Variants in XYLT1 observed in about 807,000 individuals in gnomAD.
The protein encoded by XYLT1 is beta-D-xylosyltransferase 1.
A neutral mutation model predicts 91.3 loss-of-function variants in XYLT1; 36 were observed. The ratio of observed to expected loss-of-function variants is 0.39; its 90% confidence interval spans 0.30 to 0.52. XYLT1 has a LOEUF of 0.52. XYLT1 is among the 20% of genes least tolerant of loss of function. The probability of loss-of-function intolerance (pLI) is 0.68; values close to 1 mark genes in which losing one functional copy is unlikely to be tolerated. For synonymous variants in XYLT1, 588 were observed against 532.0 expected (o/e 1.11, Z -1.45); for missense variants, 1,242 against 1,284.5 (o/e 0.97, Z 0.51).
At chr16:17,306,951 G>A (rs2034479607) in intron 2 of XYLT1, among the ~76,000 whole-genome samples, 1 of 152,196 alleles carries the variant, frequency 6.6e-6, no homozygotes, top group Admixed American at 6.5e-5. Context: ...CAGAGCTGAA[G>A]CCTGAACTTG....
intron 2 of XYLT1, among the ~76,000 whole-genome samples, chr16:17,318,179 A>T (rs754556716): frequency 6.6e-5 from 10 of 152,260 alleles, no homozygotes; most frequent in Non-Finnish European, 1.0e-4. Flanking sequence ...ACCAACACAT[A>T]GCGGATGCTG....
At chr16:17,190,065 A>T (rs548883181) in intron 5 of XYLT1, among the ~76,000 whole-genome samples, 1 of 152,286 alleles carries the variant, frequency 6.6e-6, no homozygotes, top group African/African-American at 2.4e-5. Context: ...ATAAATAAAA[A>T]TGTCAAGAAT....
At chr16:17,181,068 G>A (rs1180262328) in intron 5 of XYLT1, among the ~76,000 whole-genome samples, 3 of 152,186 alleles carry the variant, frequency 2.0e-5, no homozygotes, top group Admixed American at 2.0e-4. Context: ...CATTCAAAAA[G>A]TAACTGGAGA....
At chr16:17,185,698 T>C (rs1348897358) in intron 5 of XYLT1, among the ~76,000 whole-genome samples, 1 of 152,198 alleles carries the variant, frequency 6.6e-6, no homozygotes, top group Non-Finnish European at 1.5e-5. Flanking sequence ...TGCTGGACAC[T>C]TTAAAAATAT....
chr16:17,371,397 G>A (rs2035530432), intron 1 of XYLT1, among the ~76,000 whole-genome samples: 1 of 152,230 alleles, frequency 6.6e-6, no homozygotes, highest in Non-Finnish European at 1.5e-5. Context: ...TGTATGCTGA[G>A]AACTCAGCCA....
At chr16:17,427,127 G>C (rs1300490308) in intron 1 of XYLT1, among the ~76,000 whole-genome samples, 1 of 152,230 alleles carries the variant, frequency 6.6e-6, no homozygotes, top group African/African-American at 2.4e-5. Flanking sequence ...GAATAATTCT[G>C]AAAGGCAGCG....
chr16:17,463,393 T>G (rs1475985998), intron 1 of XYLT1, among the ~76,000 whole-genome samples: 1 of 152,172 alleles, frequency 6.6e-6, no homozygotes. Context: ...AGTAGTCCAA[T>G]TTTTTAAACA....
intron 2 of XYLT1, among the ~76,000 whole-genome samples, chr16:17,348,486 T>A (rs1336065574): frequency 6.6e-6 from 1 of 152,176 alleles, no homozygotes; most frequent in East Asian, 1.9e-4. Context: ...TCCCAAACTC[T>A]GTGGTCTTGG....
At chr16:17,438,225 G>A (rs903280588) in intron 1 of XYLT1, among the ~76,000 whole-genome samples, 4 of 152,154 alleles carry the variant, frequency 2.6e-5, no homozygotes, top group African/African-American at 9.7e-5. Flanking sequence ...GAGGAAAACA[G>A]GAAGAAGATG....
intron 1 of XYLT1, among the ~76,000 whole-genome samples, chr16:17,416,441 G>A (rs1370044688): frequency 6.6e-6 from 1 of 152,224 alleles, no homozygotes; most frequent in Non-Finnish European, 1.5e-5. Flanking sequence ...AAGGCCATGT[G>A]TCCTGGTTCC....
chr16:17,402,239 G>C (rs182524852), intron 1 of XYLT1, among the ~76,000 whole-genome samples: 2 of 152,100 alleles, frequency 1.3e-5, no homozygotes, highest in Non-Finnish European at 2.9e-5. Flanking sequence ...AGGGTCCCTT[G>C]AGCCGGTGAG....
chr16:17,169,873 G>A (rs900047251), intron 5 of XYLT1, among the ~76,000 whole-genome samples: 17 of 152,140 alleles, frequency 1.1e-4, no homozygotes, highest in African/African-American at 3.9e-4. Flanking sequence ...AACCAGGGGA[G>A]GTCCACTTCA....
At chr16:17,247,806 T>C (rs2033465652) in intron 3 of XYLT1, among the ~76,000 whole-genome samples, 1 of 152,118 alleles carries the variant, frequency 6.6e-6, no homozygotes, top group Non-Finnish European at 1.5e-5. Context: ...CTTCCATGGC[T>C]TGGATGTCAT....
At chr16:17,208,376 T>C (rs2032696172) in intron 3 of XYLT1, among the ~76,000 whole-genome samples, 1 of 152,112 alleles carries the variant, frequency 6.6e-6, no homozygotes, top group African/African-American at 2.4e-5. Flanking sequence ...AGATAATACA[T>C]GCTGAGTATC....
At chr16:17,326,382 C>T (rs929418625) in intron 2 of XYLT1, among the ~76,000 whole-genome samples, 3 of 152,128 alleles carry the variant, frequency 2.0e-5, no homozygotes, top group Non-Finnish European at 2.9e-5. Flanking sequence ...AAGTAACTCC[C>T]TCTTTTTGGC....
intron 2 of XYLT1, among the ~76,000 whole-genome samples, chr16:17,294,154 C>T (rs1313982333): frequency 2.0e-5 from 3 of 152,164 alleles, no homozygotes; most frequent in Non-Finnish European, 4.4e-5. Context: ...GTCCCCTGCT[C>T]AGCAGAGCCT....
At chr16:17,135,747 T>C (rs1166479850) in intron 8 of XYLT1, among the ~76,000 whole-genome samples, 2 of 152,180 alleles carry the variant, frequency 1.3e-5, no homozygotes, top group Non-Finnish European at 2.9e-5. Context: ...ACTAAGCACC[T>C]GTAAGCTACC....
intron 1 of XYLT1, among the ~76,000 whole-genome samples, chr16:17,418,397 T>C (rs2036206897): frequency 1.3e-5 from 2 of 152,218 alleles, no homozygotes; most frequent in South Asian, 2.1e-4. Flanking sequence ...CATAGCCTAA[T>C]GCTCCCTTAA....
In XYLT1 at chr16:17,293,375, G is replaced by A. The variant is rs182308310; in HGVS notation, c.403-33877C>T. ...ACTTCCACTTAGCATAGCCACTGAA[G>A]TTCCCCAGGGACAGTGGTACCAATT... is the stretch of plus-strand genomic sequence containing the variant. On this transcript the variant is annotated intron_variant, in intron 2 of 11. Coordinates refer to ENST00000261381, the MANE Select transcript of XYLT1 (RefSeq NM_022166.4). Among the ~76,000 whole-genome samples, 137 of 152,096 alleles carry A rather than the reference G, an allele frequency of 9.0e-4. 1 individual carries two copies. The highest frequency in any genetic ancestry group is 7.0e-3 in the South Asian group (34 of 4,828).
Sources: allele counts gnomAD v4.1 joint callset (sites outside exome capture counted in the v4.1 genomes callset), GRCh38; gene constraint gnomAD v4.1.1; transcripts MANE v1.5; gene names NCBI Gene and HGNC (gene_info 2026-07-23, HGNC 2026-07-21).